Variants in FGF14 observed in about 807,000 individuals in gnomAD.
FGF14 encodes the protein fibroblast growth factor homologous factor 4.
A neutral mutation model predicts 25.5 loss-of-function variants in FGF14; 5 were observed. The ratio of observed to expected loss-of-function variants is 0.20; its 90% confidence interval spans 0.10 to 0.41. The LOEUF (loss-of-function observed/expected upper bound fraction) is 0.41. FGF14 is among the 10% of genes least tolerant of loss of function. The probability of loss-of-function intolerance (pLI) is 1.00; values close to 1 mark genes in which losing one functional copy is unlikely to be tolerated. For missense variants in FGF14, 222 were observed against 320.1 expected, an observed-to-expected ratio of 0.69 and a Z score of 2.34; for synonymous variants, 138 against 118.3, an observed-to-expected ratio of 1.17 and a Z score of -1.08.
chr13:102,163,260 CT>C (rs2047857591), intron 1 of FGF14, among the ~76,000 whole-genome samples: 1 of 152,084 alleles, frequency 6.6e-6, no homozygotes, highest in South Asian at 2.1e-4. Context: ...GCCCTTGTGC[CT>C]TTATTTTGTA....
chr13:101,771,528 A>G (rs1300703739), intron 3 of FGF14, among the ~76,000 whole-genome samples: 1 of 152,116 alleles, frequency 6.6e-6, no homozygotes, highest in East Asian at 1.9e-4. Flanking sequence ...TAAATATGGC[A>G]TTGACAGCTT....
At chr13:102,260,665 G>A (rs575504530) in intron 1 of FGF14, among the ~76,000 whole-genome samples, 7 of 152,378 alleles carry the variant, frequency 4.6e-5, no homozygotes, top group African/African-American at 1.4e-4. Context: ...CGGGCATCAG[G>A]ATCAAGAGAA....
At chr13:102,259,849 A>G (rs1566873585) in intron 1 of FGF14, among the ~76,000 whole-genome samples, 1 of 152,310 alleles carries the variant, frequency 6.6e-6, no homozygotes, top group South Asian at 2.1e-4. Context: ...TACTGTTTCT[A>G]TGACACCCAT....
chr13:102,210,715 A>G (rs1327373887), intron 1 of FGF14, among the ~76,000 whole-genome samples: 2 of 152,284 alleles, frequency 1.3e-5, no homozygotes, highest in Non-Finnish European at 2.9e-5. Flanking sequence ...TTAAATGTCA[A>G]GAAAGCATTT....
intron 1 of FGF14, among the ~76,000 whole-genome samples, chr13:101,957,330 T>C (rs1339681194): frequency 1.3e-5 from 2 of 151,360 alleles, no homozygotes; most frequent in African/African-American, 2.4e-5. Flanking sequence ...CAGGTGAGAG[T>C]AGAAGAAAGG....
At chr13:101,863,049 T>G (rs904990005) in intron 3 of FGF14, among the ~76,000 whole-genome samples, 10 of 152,128 alleles carry the variant, frequency 6.6e-5, no homozygotes, top group Admixed American at 5.9e-4. Flanking sequence ...TATATATGTG[T>G]GTCTATGTGT....
intron 1 of FGF14, among the ~76,000 whole-genome samples, chr13:101,945,431 C>G (rs1460567556): frequency 1.3e-5 from 2 of 152,218 alleles, no homozygotes; most frequent in Non-Finnish European, 2.9e-5. Flanking sequence ...TTCACTTGCT[C>G]TACTCCTGTT....
At chr13:102,288,207 G>C (rs1184833386) in intron 1 of FGF14, among the ~76,000 whole-genome samples, 1 of 152,000 alleles carries the variant, frequency 6.6e-6, no homozygotes, top group Non-Finnish European at 1.5e-5. Context: ...ATGTAATATT[G>C]CCAACTAAAA....
chr13:102,317,701 G>A (rs1052365206), intron 1 of FGF14, among the ~76,000 whole-genome samples: 4 of 152,034 alleles, frequency 2.6e-5, no homozygotes, highest in Admixed American at 1.3e-4. Context: ...GACAGGACCC[G>A]CCCCTCCCTT....
chr13:102,043,108 A>G (rs997526472), intron 1 of FGF14, among the ~76,000 whole-genome samples: 3 of 152,214 alleles, frequency 2.0e-5, no homozygotes, highest in Admixed American at 2.0e-4. Flanking sequence ...CTGATCATAA[A>G]AAGAAATAAT....
chr13:102,012,254 C>T (rs1042015206), intron 1 of FGF14, among the ~76,000 whole-genome samples: 61 of 151,726 alleles, frequency 4.0e-4, no homozygotes, highest in Non-Finnish European at 6.4e-4. Flanking sequence ...CTCAGCTACA[C>T]AAGCCATGAA....
intron 1 of FGF14, among the ~76,000 whole-genome samples, chr13:101,978,571 T>C (rs1288331907): frequency 6.6e-6 from 1 of 152,192 alleles, no homozygotes; most frequent in Non-Finnish European, 1.5e-5. Context: ...TTAAATTAAA[T>C]ACCAAATGGG....
At chr13:101,800,178 A>G (rs768879617) in intron 3 of FGF14, among the ~76,000 whole-genome samples, 5 of 152,110 alleles carry the variant, frequency 3.3e-5, no homozygotes, top group Non-Finnish European at 7.4e-5. Context: ...TCAGCTGAAA[A>G]TTTATTTCAC....
At chr13:101,941,072 GA>G (rs1348328506) in intron 1 of FGF14, among the ~76,000 whole-genome samples, 3 of 152,128 alleles carry the variant, frequency 2.0e-5, no homozygotes, top group African/African-American at 4.8e-5. Flanking sequence ...CACATGAGCT[GA>G]AAAGAGCAAC....
At chr13:102,039,310 T>G (rs1412675894) in intron 1 of FGF14, among the ~76,000 whole-genome samples, 1 of 152,178 alleles carries the variant, frequency 6.6e-6, no homozygotes, top group South Asian at 2.1e-4. Context: ...GAGTGGTATG[T>G]CATCCCAAGA....
At chr13:101,991,222 A>G (rs1268556876) in intron 1 of FGF14, among the ~76,000 whole-genome samples, 1 of 152,144 alleles carries the variant, frequency 6.6e-6, no homozygotes, top group Non-Finnish European at 1.5e-5. Context: ...TTTTTAAAAT[A>G]CTGAATTGGG....
intron 1 of FGF14, among the ~76,000 whole-genome samples, chr13:101,983,957 C>T (rs772394455): frequency 4.6e-5 from 7 of 152,280 alleles, no homozygotes; most frequent in Non-Finnish European, 7.4e-5. Context: ...TCACTGGTCA[C>T]GCTTTCCCAT....
At chr13:102,320,817 T>C (rs1594843737) in intron 1 of FGF14, among the ~76,000 whole-genome samples, 1 of 152,196 alleles carries the variant, frequency 6.6e-6, no homozygotes, top group South Asian at 2.1e-4. Context: ...GGAGAATGGA[T>C]AGTGAATGTT....
intron 1 of FGF14, among the ~76,000 whole-genome samples, chr13:102,307,890 C>T (rs1302516711): frequency 6.6e-6 from 1 of 152,074 alleles, no homozygotes; most frequent in African/African-American, 2.4e-5. Context: ...AGGCCAAGTA[C>T]CTCCCATTCA....
Sources: allele counts gnomAD v4.1 joint callset (sites outside exome capture counted in the v4.1 genomes callset), GRCh38; gene constraint gnomAD v4.1.1; transcripts MANE v1.5; gene names NCBI Gene and HGNC (gene_info 2026-07-23, HGNC 2026-07-21).